Variants in PIEZO2 observed in about 807,000 individuals in gnomAD.
The protein encoded by PIEZO2 is piezo type mechanosensitive ion channel component 2.
In PIEZO2, 172 loss-of-function variants were observed where a neutral mutation model predicts 337.3. The ratio of observed to expected loss-of-function variants is 0.51; its 90% CI spans 0.45 to 0.58. PIEZO2 has a LOEUF of 0.58. Among genes scored for constraint, PIEZO2 ranks in the 20% least tolerant of loss-of-function variants. The pLI, the probability that PIEZO2 is intolerant of heterozygous loss-of-function variation, is 0.00. For synonymous variants in PIEZO2, 1,251 were observed against 1,228.5 expected (o/e 1.02, Z -0.38); for missense variants, 3,028 against 3,391.3 (o/e 0.89, Z 2.66).
chr18:10,998,800 A>C (rs1040736026), intron 2 of PIEZO2, among the ~76,000 whole-genome samples: 1 of 151,906 alleles, frequency 6.6e-6, no homozygotes, highest in African/African-American at 2.4e-5. Context: ...GTTTTTAAAC[A>C]AATTTTAGCA....
chr18:10,892,460 G>A (rs1156728395), intron 4 of PIEZO2, among the ~76,000 whole-genome samples: 4 of 152,172 alleles, frequency 2.6e-5, no homozygotes, highest in Non-Finnish European at 4.4e-5. Flanking sequence ...ATCAGTGGTT[G>A]CCACGGGCTG....
rs983650948 is a variant in PIEZO2, at chr18:11,102,954, C to T, written c.65-36732G>A. Among the ~76,000 whole-genome samples the T allele has an allele frequency of 6.6e-6, 1 of 152,174 alleles. No individual in the cohort carries two copies. On this transcript the variant is annotated intron_variant, in intron 1 of 55. Coordinates refer to ENST00000674853, the MANE Select transcript of PIEZO2 (RefSeq NM_001378183.1). This position sits in a 1 kb window ranked among gnomAD's most constrained non-coding sequence, Gnocchi z 5.7. ...TAAAAATCCCAGGGAAGGACTCTCA[C>T]TGGTCTTCTGTGGGTCAGGTGTCTC... is the stretch of plus-strand genomic sequence containing the variant.
At chr18:10,712,957 A>C (rs1365304617) in intron 39 of PIEZO2, among the ~76,000 whole-genome samples, 1 of 152,200 alleles carries the variant, frequency 6.6e-6, no homozygotes, top group Non-Finnish European at 1.5e-5. Flanking sequence ...GGAACTCATA[A>C]ATAAGCAAAG....
rs1389033664 is a variant in PIEZO2, at chr18:11,080,649, T to C, written c.65-14427A>G. The stretch of plus-strand genomic sequence containing the variant: ...TCATGAGGTCAGGAGATCAAGACTA[T>C]CCTGGCCAACACGGTGAAACCCCGT... On this transcript the variant is annotated intron_variant, in intron 1 of 55. Coordinates refer to ENST00000674853, the MANE Select transcript of PIEZO2 (RefSeq NM_001378183.1). The surrounding 1 kb of genome is among the most constrained non-coding windows in gnomAD (Gnocchi z 5.4). Among the ~76,000 whole-genome samples the C allele has an allele frequency of 6.6e-6, 1 of 152,116 alleles. No homozygotes were observed. Among genetic ancestry groups the C allele is most frequent in the Non-Finnish European group, 1.5e-5 (1 of 68,028 alleles).
rs1048613918 is a variant in PIEZO2, at chr18:10,993,187, T to C, written c.161-13527A>G. Among the ~76,000 whole-genome samples the C allele has an allele frequency of 2.6e-5, 4 of 152,320 alleles. No individual in the cohort carries two copies. Among genetic ancestry groups the C allele is most frequent in the African/African-American group, 9.6e-5 (4 of 41,578 alleles). On this transcript the variant is annotated intron_variant, in intron 2 of 55. Transcript: ENST00000674853. The surrounding 1 kb of genome is among the most constrained non-coding windows in gnomAD (Gnocchi z 5.0). ...ATCTGCAAACAGAGACACTTTGACT[T>C]CCTCTTTTCCTATTTGAATACGCTT...
chr18:11,129,648 C>T lies in PIEZO2; in HGVS notation c.64+18877G>A, dbSNP rs182554492. Reference sequence around the variant, plus strand: ...CTTGAGGAAGAACCCCACTACATTACGGACAATATATGCAGTGAATCTTTC... The same window carrying T: ...CTTGAGGAAGAACCCCACTACATTATGGACAATATATGCAGTGAATCTTTC... On this transcript the variant is annotated intron_variant, in intron 1 of 55. Coordinates refer to ENST00000674853, the MANE Select transcript of PIEZO2 (RefSeq NM_001378183.1). The surrounding 1 kb of genome is among the most constrained non-coding windows in gnomAD (Gnocchi z 4.6). 1.1e-4 allele frequency among the ~76,000 whole-genome samples: 16 copies of T among 152,280 alleles called. No individual in the cohort carries two copies. Among genetic ancestry groups the T allele is most frequent in the African/African-American group, 2.2e-4 (9 of 41,550 alleles).
chr18:10,681,754 C>T lies in PIEZO2; in HGVS notation c.7687-1G>A. On this transcript the variant is annotated splice_acceptor_variant, in intron 50 of 55. Transcript: ENST00000674853. LOFTEE classifies it high-confidence loss of function. ...GTTGGGCACTCATTGTGAAAATAGG[C>T]TGGAAAACAAAGAGAACAGTGTTGT... The T allele has an allele frequency of 1.2e-6, 2 of 1,602,994 alleles. No homozygotes were observed. Among genetic ancestry groups the T allele is most frequent in the Non-Finnish European group, 1.7e-6 (2 of 1,170,024 alleles).
rs960198568 is a variant in PIEZO2 at position 11,023,704 on chromosome 18, G to T, written c.160+42423C>A. Among the ~76,000 whole-genome samples, 19 of 152,310 alleles carry T rather than the reference G, an allele frequency of 1.2e-4. No individual in the cohort carries two copies. The East Asian group carries it at 3.7e-3, about 30-fold the overall frequency. On this transcript the variant is annotated intron_variant, in intron 2 of 55. Transcript: ENST00000674853. ...CGGGCACTGTGGAGCAGGGGGCGGC[G>T]CTCGTCCGGGAGGCTAGGGCCGCAC...
chr18:11,092,203 C>T lies in PIEZO2; in HGVS notation c.65-25981G>A, dbSNP rs1343181739. ...AAGATCGAGAACACATCATTAGAAG[C>T]ACTATTTACAAAAACAAAGAACAGG... On this transcript the variant is annotated intron_variant, in intron 1 of 55. Transcript: ENST00000674853. This position sits in a 1 kb window ranked among gnomAD's most constrained non-coding sequence, Gnocchi z 4.5. Among the ~76,000 whole-genome samples, 1 of 152,118 alleles carries T rather than the reference C, an allele frequency of 6.6e-6. No individual in the cohort carries two copies. The highest frequency in any genetic ancestry group is 1.5e-5 in the Non-Finnish European group (1 of 68,028).
At position 10,856,659 on chromosome 18, in the gene PIEZO2, A is replaced by G. The variant is rs567616240; in HGVS notation, c.703+342T>C. On this transcript the variant is annotated intron_variant, in intron 6 of 55. Coordinates refer to ENST00000674853, the MANE Select transcript of PIEZO2 (RefSeq NM_001378183.1). The surrounding 1 kb of genome is among the most constrained non-coding windows in gnomAD (Gnocchi z 4.7). ...CCACAATATGGCTTGTGATGGGTGCATGCACATTGTTAATTGCAGCAGGTC... is the reference window on the plus strand; with the variant it reads ...CCACAATATGGCTTGTGATGGGTGCGTGCACATTGTTAATTGCAGCAGGTC... Among the ~76,000 whole-genome samples, 1 of 152,346 alleles carries G rather than the reference A, an allele frequency of 6.6e-6. No individual in the cohort carries two copies. Among genetic ancestry groups the G allele is most frequent in the South Asian group, 2.1e-4 (1 of 4,830 alleles).
In PIEZO2 at chr18:10,877,363, T is replaced by C. The variant is rs757168811; in HGVS notation, c.330-5948A>G. Among the ~76,000 whole-genome samples the C allele has an allele frequency of 2.0e-5, 3 of 152,198 alleles. No homozygotes were observed. The highest frequency in any genetic ancestry group is 7.2e-5 in the African/African-American group (3 of 41,452). Reference sequence around the variant, plus strand: ...AGTGTTAGATTAAATTTTTAAGAAATGGTTTTAAGGGCAAATAATGTAATG... The same window carrying C: ...AGTGTTAGATTAAATTTTTAAGAAACGGTTTTAAGGGCAAATAATGTAATG... On this transcript the variant is annotated intron_variant, in intron 4 of 55. Coordinates refer to ENST00000674853, the MANE Select transcript of PIEZO2 (RefSeq NM_001378183.1). The surrounding 1 kb of genome is among the most constrained non-coding windows in gnomAD (Gnocchi z 5.3).
chr18:10,772,356 G>A (rs2038633986), intron 20 of PIEZO2, among the ~76,000 whole-genome samples: 2 of 152,314 alleles, frequency 1.3e-5, no homozygotes, highest in Non-Finnish European at 2.9e-5. Context: ...AAAAGTGGCT[G>A]AGCAATTTTG....
In PIEZO2 at chr18:10,976,363, G is replaced by T. The variant is rs1196104167; in HGVS notation, c.286+3172C>A. Among the ~76,000 whole-genome samples the T allele has an allele frequency of 3.3e-5, 5 of 152,278 alleles. No homozygotes were observed. The East Asian group carries it at 7.7e-4, about 23-fold the overall frequency. On this transcript the variant is annotated intron_variant, in intron 3 of 55. Coordinates refer to ENST00000674853, the MANE Select transcript of PIEZO2 (RefSeq NM_001378183.1). ...TACAGGCATCACTAGTTTTTCAGAA[G>T]AAATTTATGATTTCTATAAACCCAC... is the stretch of plus-strand genomic sequence containing the variant.
In PIEZO2 at chr18:10,916,720, C is replaced by T. The variant is rs556454069; in HGVS notation, c.287-5492G>A. Among the ~76,000 whole-genome samples the T allele has an allele frequency of 1.7e-4, 26 of 152,288 alleles. 1 individual carries two copies. The East Asian group carries it at 2.3e-3, about 14-fold the overall frequency. ...GCTGCAGCCTCGGCCAGCCCAGAGACGCGCTCCCATAGTGCAGCAGCGGGC... is the reference window on the plus strand; with the variant it reads ...GCTGCAGCCTCGGCCAGCCCAGAGATGCGCTCCCATAGTGCAGCAGCGGGC... On this transcript the variant is annotated intron_variant, in intron 3 of 55. Transcript: ENST00000674853.
intron 3 of PIEZO2, among the ~76,000 whole-genome samples, chr18:10,959,772 A>G (rs1457240813): frequency 6.6e-6 from 1 of 152,196 alleles, no homozygotes; most frequent in East Asian, 1.9e-4. Flanking sequence ...CATTTCTTTT[A>G]AGTAAAACAT....
In PIEZO2 at chr18:10,871,420, A is replaced by G; in HGVS notation, c.330-5T>C. 2.0e-6 allele frequency: 3 copies of G among 1,529,988 alleles called. No homozygotes were observed. The highest frequency in any genetic ancestry group is 2.6e-6 in the Non-Finnish European group (3 of 1,143,374). The allele number at this position is 1,529,988 out of a possible 1,614,324, so 94.8% of individuals were successfully genotyped here. A position where few individuals can be genotyped will look rare whatever the true frequency, so the allele number is the denominator to read the frequency against. ...CCAGCATCAGCTCCCTTTAAGCTAT[A>G]AAGGAAAAACAAGGGGAGGGGAAAA... On this transcript the variant is annotated splice_polypyrimidine_tract_variant and splice_region_variant and intron_variant, in intron 4 of 55. Transcript: ENST00000674853.
rs111302340 is a variant in PIEZO2, at chr18:11,109,470, C to T, written c.64+39055G>A. Reference sequence around the variant, plus strand: ...GTGGCTCATGTCTGTAATCCCAGCACTTTGGGAGGCCGAGGTGGGTGGATC... The same window carrying T: ...GTGGCTCATGTCTGTAATCCCAGCATTTTGGGAGGCCGAGGTGGGTGGATC... On this transcript the variant is annotated intron_variant, in intron 1 of 55. Transcript: ENST00000674853. The surrounding 1 kb of genome is among the most constrained non-coding windows in gnomAD (Gnocchi z 5.1). Among the ~76,000 whole-genome samples the T allele has an allele frequency of 0.033, 5,044 of 152,232 alleles. 279 individuals are homozygous for T. Among genetic ancestry groups the T allele is most frequent in the African/African-American group, 0.11 (4,696 of 41,512 alleles).
Position 10,834,084 on chromosome 18 carries a change from G to A in PIEZO2, c.917+21269C>T, listed in dbSNP as rs1342091056. Among the ~76,000 whole-genome samples, 2 of 152,228 alleles carry A rather than the reference G, an allele frequency of 1.3e-5. No individual in the cohort carries two copies. Among genetic ancestry groups the A allele is most frequent in the Non-Finnish European group, 2.9e-5 (2 of 68,038 alleles). On this transcript the variant is annotated intron_variant, in intron 7 of 55. Coordinates refer to ENST00000674853, the MANE Select transcript of PIEZO2 (RefSeq NM_001378183.1). This position sits in a 1 kb window ranked among gnomAD's most constrained non-coding sequence, Gnocchi z 4.5. ...TGATGTTTTGATACAGACATGCAAT[G>A]TGTAACAATCACATCAGGGTAAGTG...
In PIEZO2 at chr18:10,726,947, T is replaced by A; in HGVS notation, c.5029+4460A>T. The A allele has an allele frequency of 1.3e-6, 2 of 1,482,146 alleles. No homozygotes were observed. Among genetic ancestry groups the A allele is most frequent in the South Asian group, 2.6e-5 (2 of 76,944 alleles). 91.8% of individuals were successfully genotyped at this position (1,482,146 alleles called of 1,614,324 possible). A position where few individuals can be genotyped will look rare whatever the true frequency, so the allele number is the denominator to read the frequency against. Reference sequence around the variant, plus strand: ...CGCCTGCTGCCCGACTGATGTAGGTTGAGGGCTGCAGACAGAGGCCCTGGA... The same window carrying A: ...CGCCTGCTGCCCGACTGATGTAGGTAGAGGGCTGCAGACAGAGGCCCTGGA... On this transcript the variant is annotated intron_variant, in intron 36 of 55. Transcript: ENST00000674853. This position sits in a 1 kb window ranked among gnomAD's most constrained non-coding sequence, Gnocchi z 5.9.
Sources: allele counts gnomAD v4.1 joint callset (sites outside exome capture counted in the v4.1 genomes callset), GRCh38; gene constraint gnomAD v4.1.1; non-coding constraint Gnocchi (gnomAD v3.1); transcripts MANE v1.5; gene names NCBI Gene and HGNC (gene_info 2026-07-23, HGNC 2026-07-21).